CHODL: variants seen among roughly 807,000 people sequenced by gnomAD.
CHODL encodes chondrolectin.
A neutral mutation model predicts 34.5 loss-of-function variants in CHODL; 29 were observed. That is an observed-to-expected ratio of 0.84 (90% CI 0.63 to 1.15). The LOEUF (loss-of-function observed/expected upper bound fraction) is 1.15, where lower values mean the gene tolerates loss of function less well. Ranked by LOEUF, CHODL falls within the 50% of genes most tolerant of loss-of-function variation. The probability of loss-of-function intolerance (pLI) is 0.00; values close to 1 mark genes in which losing one functional copy is unlikely to be tolerated. For synonymous variants in CHODL, 125 were observed against 116.1 expected, an observed-to-expected ratio of 1.08 and a Z score of -0.49; for missense variants, 332 against 332.5, an observed-to-expected ratio of 1.00 and a Z score of 0.01.
chr21:18,265,308 C>CAT (rs1335747079), intron 5 of CHODL, among the ~76,000 whole-genome samples: 8 of 123,328 alleles, frequency 6.5e-5, no homozygotes, highest in African/African-American at 1.1e-4. Context: ...CACACACACA[C>CAT]ACATATATAT....
chr21:18,066,588 A>C (rs2064734879), intron 2 of CHODL, among the ~76,000 whole-genome samples: 1 of 152,128 alleles, frequency 6.6e-6, no homozygotes, highest in Non-Finnish European at 1.5e-5. Context: ...CCCAAACAGA[A>C]ATATGCTGGC....
At chr21:18,059,493 CTT>C (rs11316292) in intron 2 of CHODL, among the ~76,000 whole-genome samples, 231 of 142,936 alleles carry the variant, frequency 1.6e-3, no homozygotes, top group East Asian at 5.5e-3. Flanking sequence ...AACTCATGAT[CTT>C]TTTTTTTTTT....
At chr21:18,083,288 A>G (rs917535436) in intron 2 of CHODL, among the ~76,000 whole-genome samples, 2 of 152,206 alleles carry the variant, frequency 1.3e-5, no homozygotes, top group Non-Finnish European at 2.9e-5. Flanking sequence ...CTCTGCCTAG[A>G]TTTTAGAGGA....
At chr21:18,194,162 C>A (rs1449675250) in intron 2 of CHODL, among the ~76,000 whole-genome samples, 1 of 152,200 alleles carries the variant, frequency 6.6e-6, no homozygotes, top group Non-Finnish European at 1.5e-5. Context: ...CCTGTCCAAT[C>A]TTCTCTGTAA....
chr21:17,971,095 G>A (rs959047864), intron 1 of CHODL, among the ~76,000 whole-genome samples: 1 of 152,156 alleles, frequency 6.6e-6, no homozygotes, highest in Non-Finnish European at 1.5e-5. Flanking sequence ...AGTATTCCAT[G>A]ATGTGTATGT....
At chr21:17,963,860 C>T (rs1035256034) in intron 1 of CHODL, among the ~76,000 whole-genome samples, 2 of 152,076 alleles carry the variant, frequency 1.3e-5, no homozygotes, top group Non-Finnish European at 2.9e-5. Flanking sequence ...TAACCCTTTA[C>T]ATTAATGATC....
At chr21:17,949,699 G>A (rs977659492) in intron 1 of CHODL, among the ~76,000 whole-genome samples, 1 of 152,176 alleles carries the variant, frequency 6.6e-6, no homozygotes, top group African/African-American at 2.4e-5. Flanking sequence ...AGTCTTGAAA[G>A]GGCTAGCCAA....
At chr21:18,186,266 C>T (rs141553375) in intron 2 of CHODL, among the ~76,000 whole-genome samples, 1 of 152,202 alleles carries the variant, frequency 6.6e-6, no homozygotes, top group Non-Finnish European at 1.5e-5. Flanking sequence ...AATATAAGCT[C>T]ATTCCTGAAG....
chr21:18,200,317 A>G (rs1485311955), intron 2 of CHODL, among the ~76,000 whole-genome samples: 1 of 152,236 alleles, frequency 6.6e-6, no homozygotes, highest in Non-Finnish European at 1.5e-5. Context: ...AATTTGCAAT[A>G]TAAATTCAAT....
chr21:18,085,287 G>T (rs1462179152), intron 2 of CHODL, among the ~76,000 whole-genome samples: 1 of 151,768 alleles, frequency 6.6e-6, no homozygotes, highest in East Asian at 1.9e-4. Flanking sequence ...TACATTCAAG[G>T]TTAATATTAA....
At chr21:17,982,221 C>T (rs922810840) in intron 1 of CHODL, among the ~76,000 whole-genome samples, 5 of 152,186 alleles carry the variant, frequency 3.3e-5, no homozygotes, top group Admixed American at 6.6e-5. Context: ...CAGCTACATC[C>T]TTCTGAGAAG....
At chr21:17,991,904 A>C (rs560206479) in intron 1 of CHODL, among the ~76,000 whole-genome samples, 2 of 152,244 alleles carry the variant, frequency 1.3e-5, no homozygotes, top group East Asian at 3.9e-4. Context: ...TGCCTTAATC[A>C]ATGTCATGAT....
chr21:18,015,086 C>T lies in CHODL; in HGVS notation c.-144-12786C>T, dbSNP rs149013233. Among the ~76,000 whole-genome samples, 885 of 152,234 alleles carry T rather than the reference C, an allele frequency of 5.8e-3. 10 individuals carry two copies. The highest frequency in any genetic ancestry group is 0.021 in the African/African-American group (858 of 41,528). On this transcript the variant is annotated intron_variant, in intron 1 of 6. Coordinates refer to the CHODL transcript ENST00000400127. ...TACAAAATGCTGATAGTGACATGGA[C>T]AATGAAGTCCAGTCTGATGAGATCT...
chr21:18,048,889 G>T lies in CHODL; in HGVS notation c.-45+20918G>T, dbSNP rs1395968354. On this transcript the variant is annotated intron_variant, in intron 2 of 6. Coordinates refer to the CHODL transcript ENST00000400127. ...ACTTTAGACCTATCGAATATTATTGGTTATAGATTTGTTTTAATGTTCAGA... is the reference window on the plus strand; with the variant it reads ...ACTTTAGACCTATCGAATATTATTGTTTATAGATTTGTTTTAATGTTCAGA... 4.6e-5 allele frequency among the ~76,000 whole-genome samples: 7 copies of T among 151,684 alleles called. No homozygotes were observed. The East Asian group carries it at 1.2e-3, about 25-fold the overall frequency.
At chr21:17,953,612 A>C (rs2063475330) in intron 1 of CHODL, among the ~76,000 whole-genome samples, 1 of 152,278 alleles carries the variant, frequency 6.6e-6, no homozygotes, top group Non-Finnish European at 1.5e-5. Context: ...TGGTAGGCTA[A>C]AACCTGACTA....
At chr21:18,241,836 C>T (rs1424770748), upstream of CHODL, among the ~76,000 whole-genome samples, 1 of 152,140 alleles carries the variant, frequency 6.6e-6, no homozygotes, top group South Asian at 2.1e-4. Context: ...TGTTTCAGAG[C>T]CTCTGGAGAT....
intron 2 of CHODL, among the ~76,000 whole-genome samples, chr21:18,094,861 C>G (rs1263866173): frequency 6.6e-6 from 1 of 151,954 alleles, no homozygotes; most frequent in African/African-American, 2.4e-5. Context: ...TGGTGTCTCA[C>G]TCCTCTAATC....
chr21:18,244,189 C>T (rs1275109099), upstream of CHODL, among the ~76,000 whole-genome samples: 5 of 152,188 alleles, frequency 3.3e-5, no homozygotes, highest in Non-Finnish European at 7.3e-5. Flanking sequence ...TTTCATTTTA[C>T]CTCCAGGAAA....
chr21:18,151,424 A>G (rs1418122777), intron 2 of CHODL, among the ~76,000 whole-genome samples: 1 of 152,214 alleles, frequency 6.6e-6, no homozygotes, highest in Non-Finnish European at 1.5e-5. Context: ...TGCCCAGGGA[A>G]GGCATGAAAG....
Sources: gnomAD v4.1 joint callset for allele counts (sites outside exome capture counted in the v4.1 genomes callset) on GRCh38, gnomAD v4.1.1 for gene constraint, MANE v1.5 for transcripts, NCBI Gene and HGNC (gene_info 2026-07-23, HGNC 2026-07-21) for gene names.